Variants in NT5DC1 observed in about 807,000 individuals in gnomAD.
NT5DC1 encodes the protein 5'-nucleotidase domain-containing protein 1.
In NT5DC1, 42 loss-of-function variants were observed where a neutral mutation model predicts 59.4. The ratio of observed to expected loss-of-function variants is 0.71; its 90% CI spans 0.55 to 0.92. The LOEUF (loss-of-function observed/expected upper bound fraction) is 0.92. Ranked by LOEUF, NT5DC1 falls within the 40% of genes least tolerant of loss-of-function variation. The probability of loss-of-function intolerance (pLI) is 0.00; values close to 1 mark genes in which losing one functional copy is unlikely to be tolerated. For synonymous variants in NT5DC1, 172 were observed against 188.1 expected (o/e 0.91, Z 0.70); for missense variants, 501 against 537.1 (o/e 0.93, Z 0.66).
intron 4 of NT5DC1, among the ~76,000 whole-genome samples, chr6:116,112,337 T>C (rs1419140096): frequency 6.6e-6 from 1 of 152,114 alleles, no homozygotes; most frequent in East Asian, 1.9e-4. Flanking sequence ...TTTTTAAATG[T>C]AGAGAAGTAT....
At chr6:116,203,378 C>G (rs1165719065) in intron 6 of NT5DC1, among the ~76,000 whole-genome samples, 1 of 151,924 alleles carries the variant, frequency 6.6e-6, no homozygotes, top group Non-Finnish European at 1.5e-5. Context: ...TCTTCATGCT[C>G]CCTTCTAGCC....
chr6:116,188,137 A>G lies in NT5DC1; in HGVS notation c.530-32917A>G, dbSNP rs541030011. Among the ~76,000 whole-genome samples, 13 of 152,230 alleles carry G rather than the reference A, an allele frequency of 8.5e-5. 1 individual carries two copies. The South Asian group carries it at 2.3e-3, about 27-fold the overall frequency. ...TCATGAGAGTGCTAATTAAAGTTCAATGAGGTACCACTAGATATCCATCAG... is the reference window on the plus strand; with the variant it reads ...TCATGAGAGTGCTAATTAAAGTTCAGTGAGGTACCACTAGATATCCATCAG... On this transcript the variant is annotated intron_variant, in intron 6 of 11. Transcript: ENST00000319550.
At position 116,123,568 on chromosome 6, in the gene NT5DC1, C is replaced by CT. The variant is rs570582659; in HGVS notation, c.529+5629dup. ...TAATTTAGTATGTTTTGACAGAACT[C>CT]TTTTTTAACCTGTGTTGGATGGATA... On this transcript the variant is annotated intron_variant, in intron 6 of 11. Transcript: ENST00000319550. 5.6e-4 allele frequency among the ~76,000 whole-genome samples: 85 copies of CT among 152,296 alleles called. 1 individual carries two copies. The highest frequency in any genetic ancestry group is 5.6e-4 in the Non-Finnish European group (38 of 68,018).
intron 8 of NT5DC1, among the ~76,000 whole-genome samples, chr6:116,234,099 TACAGGCACGCACCACCATGCC>T (rs1188611944): frequency 6.7e-6 from 1 of 149,656 alleles, no homozygotes; most frequent in Admixed American, 6.7e-5. Flanking sequence ...TAGCTGGGAC[TACAGGCACGCACCACCATGCC>T]CGGCTAATTT....
At chr6:116,143,576 A>G (rs1582831389) in intron 6 of NT5DC1, among the ~76,000 whole-genome samples, 1 of 152,266 alleles carries the variant, frequency 6.6e-6, no homozygotes, top group African/African-American at 2.4e-5. Context: ...ACTTTTTTTA[A>G]TCCTATGAAA....
chr6:116,150,839 A>G (rs921168963), intron 6 of NT5DC1, among the ~76,000 whole-genome samples: 1 of 152,194 alleles, frequency 6.6e-6, no homozygotes, highest in Non-Finnish European at 1.5e-5. Context: ...TCAAATGTGA[A>G]TTTGAGAATG....
At chr6:116,238,389 TTA>T (rs753652971) in intron 10 of NT5DC1, 41 bp downstream of exon 10, 21 of 1,439,276 alleles carry the variant, frequency 1.5e-5, no homozygotes, top group Non-Finnish European at 9.3e-7. Flanking sequence ...AGACAAATAT[TTA>T]TGTTTGAAAG....
At chr6:116,230,596 G>A (rs1228251622) in intron 8 of NT5DC1, among the ~76,000 whole-genome samples, 1 of 152,146 alleles carries the variant, frequency 6.6e-6, no homozygotes, top group African/African-American at 2.4e-5. Flanking sequence ...GCTACTGGTT[G>A]GAAGATCACA....
At chr6:116,183,348 G>T (rs188895232) in intron 6 of NT5DC1, among the ~76,000 whole-genome samples, 1 of 152,108 alleles carries the variant, frequency 6.6e-6, no homozygotes, top group East Asian at 1.9e-4. Flanking sequence ...TCTTGCTTTG[G>T]CTATGCAGGC....
At chr6:116,159,945 T>C (rs1430290162) in intron 6 of NT5DC1, among the ~76,000 whole-genome samples, 3 of 152,222 alleles carry the variant, frequency 2.0e-5, no homozygotes, top group African/African-American at 7.2e-5. Flanking sequence ...GGACACAATT[T>C]CATTACTTTT....
chr6:116,233,252 A>T (rs1473342027), intron 8 of NT5DC1, among the ~76,000 whole-genome samples: 1 of 152,248 alleles, frequency 6.6e-6, no homozygotes, highest in Non-Finnish European at 1.5e-5. Context: ...TTGCTGTTTT[A>T]TCAAATAAAG....
intron 3 of NT5DC1, among the ~76,000 whole-genome samples, chr6:116,109,765 T>C: frequency 6.6e-6 from 1 of 152,228 alleles, no homozygotes. Context: ...CATTTGCTTT[T>C]CTTATTTTAT....
rs2114308316 is a variant in NT5DC1 at position 116,125,407 on chromosome 6, G to A, written c.529+7462G>A. 1.2e-6 allele frequency: 2 copies of A among 1,613,820 alleles called. No individual in the cohort carries two copies. The highest frequency in any genetic ancestry group is 1.3e-5 in the African/African-American group (1 of 74,992). ...GTTGGGTAGTGGGCCTTTTATGCCT[G>A]TGGGCATTTGGTATCGTTCAGCGTA... On this transcript the variant is annotated intron_variant, in intron 6 of 11. Transcript: ENST00000319550.
At chr6:116,148,163 A>T (rs912971465) in intron 6 of NT5DC1, among the ~76,000 whole-genome samples, 32 of 152,140 alleles carry the variant, frequency 2.1e-4, no homozygotes, top group African/African-American at 7.7e-4. Flanking sequence ...TTGTATAAGG[A>T]TAGACAAACT....
At chr6:116,120,912 T>C (rs1385794247) in intron 6 of NT5DC1, 1 of 1,613,854 alleles carries the variant, frequency 6.2e-7, no homozygotes, top group South Asian at 1.1e-5. Flanking sequence ...AACCCTGGGT[T>C]ACCCTTAGGA....
intron 6 of NT5DC1, among the ~76,000 whole-genome samples, chr6:116,127,091 A>T (rs994582655): frequency 7.2e-5 from 11 of 152,174 alleles, no homozygotes; most frequent in Non-Finnish European, 1.2e-4. Context: ...AATCAAATTG[A>T]CTATGCAGGT....
chr6:116,193,629 G>A (rs1204837), intron 6 of NT5DC1, among the ~76,000 whole-genome samples: 95,051 of 152,054 alleles, frequency 0.63, 31,560 homozygotes, highest in African/African-American at 0.86. Flanking sequence ...CTAAGGGACA[G>A]TATGAGCAAA....
At chr6:116,221,996 C>T (rs1014178277) in intron 7 of NT5DC1, among the ~76,000 whole-genome samples, 2 of 152,152 alleles carry the variant, frequency 1.3e-5, no homozygotes, top group Non-Finnish European at 2.9e-5. Context: ...CCTCAAATTC[C>T]ATCAAATACC....
At chr6:116,217,871 A>G (rs549066426) in intron 6 of NT5DC1, among the ~76,000 whole-genome samples, 1 of 152,288 alleles carries the variant, frequency 6.6e-6, no homozygotes, top group East Asian at 1.9e-4. Flanking sequence ...CATTTGATTT[A>G]ATACCTTGAC....
Sources: allele counts gnomAD v4.1 joint callset (sites outside exome capture counted in the v4.1 genomes callset), GRCh38; gene constraint gnomAD v4.1.1; transcripts MANE v1.5; gene names NCBI Gene and HGNC (gene_info 2026-07-23, HGNC 2026-07-21).